Variants in EGFR observed in about 807,000 individuals in gnomAD.
EGFR encodes epidermal growth factor receptor, also known as avian erythroblastic leukemia viral (v-erb-b) oncogene homolog.
EGFR carries 58 observed loss-of-function variants against 143.0 expected under a neutral mutation model. The observed-to-expected ratio is 0.41, with a 90% CI of 0.33 to 0.50. The LOEUF is 0.50. EGFR is among the 20% of genes least tolerant of loss of function. The pLI, the probability that EGFR is intolerant of heterozygous loss-of-function variation, is 0.39. For missense variants in EGFR, 1,307 were observed against 1,579.0 expected (o/e 0.83, Z 2.92); for synonymous variants, 613 against 594.4 (o/e 1.03, Z -0.45).
At chr7:55,136,381 C>G (rs1276580444) in intron 1 of EGFR, among the ~76,000 whole-genome samples, 1 of 152,192 alleles carries the variant, frequency 6.6e-6, no homozygotes, top group East Asian at 1.9e-4. Flanking sequence ...TCTTCCCATA[C>G]AGCCCACCTC....
intron 1 of EGFR, among the ~76,000 whole-genome samples, chr7:55,028,257 GT>G (rs1320002710): frequency 6.6e-6 from 1 of 151,778 alleles, no homozygotes; most frequent in Non-Finnish European, 1.5e-5. Context: ...TTTACTCCAG[GT>G]TTTGGATAAA....
At chr7:55,146,342 C>G (rs1794758546) in intron 3 of EGFR, among the ~76,000 whole-genome samples, 1 of 152,112 alleles carries the variant, frequency 6.6e-6, no homozygotes, top group Non-Finnish European at 1.5e-5. Context: ...ACTGACTAAA[C>G]CATTCTCTTC....
At chr7:55,100,904 C>T (rs1339511612) in intron 1 of EGFR, among the ~76,000 whole-genome samples, 1 of 152,272 alleles carries the variant, frequency 6.6e-6, no homozygotes, top group African/African-American at 2.4e-5. Flanking sequence ...ACAGTTCCAA[C>T]AATTTTTCTT....
intron 19 of EGFR, 88 bp from the exon 20 acceptor site, chr7:55,181,205 T>C (rs1037069981): frequency 1.4e-6 from 2 of 1,471,422 alleles, no homozygotes; most frequent in Non-Finnish European, 1.9e-6. Context: ...AAGATCGCAT[T>C]CATGCGTCTT....
At chr7:55,058,319 G>A (rs552154118) in intron 1 of EGFR, among the ~76,000 whole-genome samples, 25 of 152,262 alleles carry the variant, frequency 1.6e-4, no homozygotes, top group South Asian at 4.1e-4. Context: ...GCTTGAACGC[G>A]GGAGGCGGAG....
At chr7:55,024,702 T>C (rs574369291) in intron 1 of EGFR, among the ~76,000 whole-genome samples, 1 of 152,314 alleles carries the variant, frequency 6.6e-6, no homozygotes, top group African/African-American at 2.4e-5. Context: ...TCTTTATGTT[T>C]GAGCCATGAT....
chr7:55,200,223 G>A (rs1787785265), intron 23 of EGFR, 93 bp from the exon 24 acceptor site: 2 of 1,176,936 alleles, frequency 1.7e-6, no homozygotes, highest in Admixed American at 1.7e-5. Context: ...TTGACTGGAA[G>A]TGTCGCATCA....
At chr7:55,043,297 G>A (rs956323748) in intron 1 of EGFR, among the ~76,000 whole-genome samples, 1 of 152,116 alleles carries the variant, frequency 6.6e-6, no homozygotes, top group African/African-American at 2.4e-5. Flanking sequence ...AGAACCTTTT[G>A]GTTGTCACAC....
intron 1 of EGFR, among the ~76,000 whole-genome samples, chr7:55,083,923 T>G (rs1211248520): frequency 6.6e-6 from 1 of 152,134 alleles, no homozygotes. Flanking sequence ...GATTAGAACA[T>G]ATAGGTTAGC....
At chr7:55,141,069 T>C (rs1794430590) in intron 1 of EGFR, among the ~76,000 whole-genome samples, 1 of 152,238 alleles carries the variant, frequency 6.6e-6, no homozygotes, top group African/African-American at 2.4e-5. Flanking sequence ...GTATTGATTT[T>C]GGCCATGGTT....
intron 20 of EGFR, among the ~76,000 whole-genome samples, chr7:55,186,164 A>G (rs995232465): frequency 2.6e-5 from 4 of 152,256 alleles, no homozygotes; most frequent in African/African-American, 9.6e-5. Flanking sequence ...TGTGCGTGTC[A>G]TAGCACACAA....
chr7:55,173,374 G>T (rs1403645932), intron 17 of EGFR, among the ~76,000 whole-genome samples: 1 of 152,342 alleles, frequency 6.6e-6, no homozygotes, highest in Non-Finnish European at 1.5e-5. Context: ...TTAGGACCCG[G>T]TGCCTGTGTG....
chr7:55,059,614 C>A (rs1482459530), intron 1 of EGFR, among the ~76,000 whole-genome samples: 2 of 152,018 alleles, frequency 1.3e-5, no homozygotes, highest in Non-Finnish European at 2.9e-5. Flanking sequence ...CCCTCCTTCC[C>A]CACCTGCTCA....
intron 1 of EGFR, among the ~76,000 whole-genome samples, chr7:55,029,669 A>G (rs1327749094): frequency 6.6e-6 from 1 of 152,168 alleles, no homozygotes; most frequent in African/African-American, 2.4e-5. Context: ...GCTCCCTGAA[A>G]AGTGGTGTTG....
At chr7:55,188,044 G>A (rs942846077) in intron 20 of EGFR, among the ~76,000 whole-genome samples, 3 of 152,174 alleles carry the variant, frequency 2.0e-5, no homozygotes, top group Non-Finnish European at 4.4e-5. Flanking sequence ...GGTGGTCTTG[G>A]TCTCAGCATG....
intron 1 of EGFR, among the ~76,000 whole-genome samples, chr7:55,121,548 T>C (rs1045830994): frequency 9.9e-5 from 15 of 152,242 alleles, no homozygotes; most frequent in Non-Finnish European, 1.8e-4. Context: ...CTGTGCTGTC[T>C]TCTGCTCTGT....
In EGFR at chr7:55,208,442, C is replaced by G. The variant is rs867489699; in HGVS notation, c.*2825C>G. On this transcript the variant is annotated 3_prime_UTR_variant, in exon 28 of 28. Transcript: ENST00000275493. ...TCAGTCAGTTCCTGGAAGACCTTAC[C>G]CCATGACCCCAGCTTCAGATGTGGT... 1 of 152,192 alleles carries G rather than the reference C, an allele frequency of 6.6e-6. No homozygotes were observed. Among genetic ancestry groups the G allele is most frequent in the African/African-American group, 2.4e-5 (1 of 41,426 alleles). The allele number at this position is 152,192 out of a possible 1,614,324, so 9.4% of individuals were successfully genotyped here.
intron 1 of EGFR, among the ~76,000 whole-genome samples, chr7:55,116,998 T>C (rs1792895694): frequency 1.3e-5 from 2 of 152,224 alleles, no homozygotes; most frequent in African/African-American, 4.8e-5. Flanking sequence ...GCATTTCTGT[T>C]GGGTACCTCA....
At chr7:55,137,703 T>G (rs1419751791) in intron 1 of EGFR, among the ~76,000 whole-genome samples, 1 of 152,200 alleles carries the variant, frequency 6.6e-6, no homozygotes, top group East Asian at 1.9e-4. Context: ...TCAAAACTAC[T>G]GTGCTGTGAC....
Sources: gnomAD v4.1 joint callset for allele counts (sites outside exome capture counted in the v4.1 genomes callset) on GRCh38, gnomAD v4.1.1 for gene constraint, MANE v1.5 for transcripts, NCBI Gene and HGNC (gene_info 2026-07-23, HGNC 2026-07-21) for gene names.